GLS2: variants seen among roughly 807,000 people sequenced by gnomAD.
The protein encoded by GLS2 is glutaminase liver isoform, mitochondrial.
In GLS2, 52 loss-of-function variants were observed where a neutral mutation model predicts 79.0. The ratio of observed to expected loss-of-function variants is 0.66; its 90% CI spans 0.53 to 0.83. The LOEUF (loss-of-function observed/expected upper bound fraction) is 0.83. Among genes scored for constraint, GLS2 ranks in the 40% least tolerant of loss-of-function variants. GLS2 has a pLI of 0.00. For missense variants in GLS2, 561 were observed against 764.8 expected (o/e 0.73, Z 3.14); for synonymous variants, 238 against 280.8 (o/e 0.85, Z 1.52).
intron 1 of GLS2, chr12:56,487,552 A>G: frequency 3.5e-6 from 1 of 286,596 alleles, no homozygotes; most frequent in South Asian, 4.8e-5. Flanking sequence ...GACCGGAGGC[A>G]GGAGGCTGTT....
In GLS2 at chr12:56,477,999, C is replaced by T. The variant is rs749261183; in HGVS notation, c.712G>A (p.Val238Met). ...GGCTCTTTGCCCACAAACTTGTGCA[C>T]GTAGTCAGTGCCTAGGGTGCTTATG... ...ISISTLGTDY[V>M]HKFVGKEPSG... is the part of the protein sequence containing the mutation. Residue 238 changes from valine to methionine, a missense_variant, in exon 6 of 18, where the codon GTG becomes ATG. Transcript: ENST00000311966. The T allele has an allele frequency of 2.5e-6, 4 of 1,614,196 alleles. No homozygotes were observed. Among genetic ancestry groups the T allele is most frequent in the Middle Eastern group, 1.6e-4 (1 of 6,062 alleles).
chr12:56,482,180 G>A (rs974305479), intron 1 of GLS2, among the ~76,000 whole-genome samples: 5 of 152,030 alleles, frequency 3.3e-5, no homozygotes, highest in Non-Finnish European at 7.4e-5. Flanking sequence ...ATAGTCAGTC[G>A]AGATTGTGCC....
At chr12:56,479,247 C>A (rs527551042) in intron 3 of GLS2, 66 bp from the exon 4 acceptor site, 10 of 1,576,382 alleles carry the variant, frequency 6.3e-6, no homozygotes, top group Non-Finnish European at 8.6e-6. Flanking sequence ...TCTGGAGCCA[C>A]GGAAATTGGG....
chr12:56,475,918 CA>C, intron 8 of GLS2, 26 bp downstream of exon 8: 1 of 1,613,552 alleles, frequency 6.2e-7, no homozygotes, highest in South Asian at 1.1e-5. Context: ...GAAATGCAGC[CA>C]GGGGCTAAGT....
rs183953092 is a variant in GLS2 at position 56,472,520 on chromosome 12, T to C, written c.1511+170A>G. On this transcript the variant is annotated intron_variant, in intron 15 of 17. Coordinates refer to ENST00000311966, the MANE Select transcript of GLS2 (RefSeq NM_013267.4). ...ACATTAATTATCATAGAGCAGACAG[T>C]TTACTTTTTTTAAAAAAAATCTCCT... 796 of 635,294 alleles carry C rather than the reference T, an allele frequency of 1.3e-3. 4 individuals are homozygous for C. The African/African-American group carries it at 0.013, about 10-fold the overall frequency. The allele number at this position is 635,294 out of a possible 1,614,324, so 39.4% of individuals were successfully genotyped here. A position where few individuals can be genotyped will look rare whatever the true frequency, so the allele number is the denominator to read the frequency against.
intron 14 of GLS2, 28 bp downstream of exon 14, chr12:56,473,200 C>T (rs1476846748): frequency 6.2e-7 from 1 of 1,607,400 alleles, no homozygotes; most frequent in South Asian, 1.1e-5. Context: ...TTGAAATATT[C>T]TTACAAGCCA....
intron 1 of GLS2, chr12:56,487,701 T>C: frequency 1.8e-6 from 1 of 563,842 alleles, no homozygotes; most frequent in South Asian, 2.3e-5. Flanking sequence ...GTGCGCACCT[T>C]GGACAGGCGC....
At chr12:56,487,112 T>C (rs1445996132) in intron 1 of GLS2, among the ~76,000 whole-genome samples, 1 of 152,162 alleles carries the variant, frequency 6.6e-6, no homozygotes, top group Non-Finnish European at 1.5e-5. Flanking sequence ...AGGGGCTCTT[T>C]GGACAGTGTC....
In GLS2 at chr12:56,475,933, A is replaced by G; in HGVS notation, c.870+12T>C. ...GAAATGCAGCCAGGGGCTAAGTAGC[A>G]AGGGAACTTACAAAATCAAACTTCT... On this transcript the variant is annotated intron_variant, in intron 8 of 17. Transcript: ENST00000311966. The G allele has an allele frequency of 1.2e-5, 20 of 1,613,888 alleles. No individual in the cohort carries two copies. Among genetic ancestry groups the G allele is most frequent in the Non-Finnish European group, 1.7e-5 (20 of 1,179,942 alleles).
chr12:56,476,117 T>C (rs1279875019), intron 7 of GLS2, 140 bp from the exon 8 acceptor site: 3 of 742,364 alleles, frequency 4.0e-6, no homozygotes, highest in Non-Finnish European at 6.8e-6. Context: ...GCCCTTTTTT[T>C]ATCCTTCTGA....
chr12:56,482,303 G>A (rs1330435794), intron 1 of GLS2, among the ~76,000 whole-genome samples: 1 of 152,174 alleles, frequency 6.6e-6, no homozygotes, highest in Non-Finnish European at 1.5e-5. Context: ...CCACACTCCA[G>A]ATATAACAGG....
intron 12 of GLS2, 40 bp downstream of exon 12, chr12:56,474,504 C>G (rs374489692): frequency 8.7e-6 from 14 of 1,610,220 alleles, no homozygotes; most frequent in Non-Finnish European, 1.1e-5. Context: ...CTTCTTAGCA[C>G]TGGGCTCATG....
chr12:56,486,938 TCGAGTAGTGGTGAGGTAGTGTTGTGTC>T (rs1870738911), intron 1 of GLS2, among the ~76,000 whole-genome samples: 2 of 62,048 alleles, frequency 3.2e-5, no homozygotes, highest in African/African-American at 1.9e-4. Flanking sequence ...CGACAGAGAC[TCGAGTAGTGGTGAGGTAGTGTTGTGTC>T]AGAGACTCGA....
In GLS2 at chr12:56,471,565, G is replaced by A; in HGVS notation, c.1731C>T (p.Asp577=). The A allele has an allele frequency of 1.2e-6, 2 of 1,614,170 alleles. No individual in the cohort carries two copies. The highest frequency in any genetic ancestry group is 1.7e-6 in the Non-Finnish European group (2 of 1,180,020). The part of the protein sequence containing the change: ...EVVKLLQDYQ[D]SYTLSETQAE... The stretch of plus-strand genomic sequence containing the variant: ...CCTGAGTTTCAGAGAGTGTGTAGGA[G>A]TCCTGGTAATCTTGAAGCAGTTTGA... Residue 577 remains aspartate (D), a synonymous_variant, in exon 18 of 18, where the codon GAC becomes GAT. Transcript: ENST00000311966.
Position 56,477,735 on chromosome 12 carries a change from C to T in GLS2, c.779-17G>A. 6.2e-7 allele frequency: 1 copy of T among 1,607,798 alleles called. No individual in the cohort carries two copies. Among genetic ancestry groups the T allele is most frequent in the East Asian group, 2.2e-5 (1 of 44,784 alleles). ...GGGGGATTCCTGGGGAAATACAAAC[C>T]ACCAAGAGTCTTAGCCACTGAACAA... On this transcript the variant is annotated splice_polypyrimidine_tract_variant and intron_variant, in intron 6 of 17. Transcript: ENST00000311966.
At chr12:56,475,577 C>A (rs974048014) in intron 9 of GLS2, 47 bp downstream of exon 9, 1 of 1,583,518 alleles carries the variant, frequency 6.3e-7, no homozygotes, top group African/African-American at 1.3e-5. Context: ...TAAGTACACA[C>A]ACATACACCA....
intron 1 of GLS2, among the ~76,000 whole-genome samples, chr12:56,484,566 T>C (rs547342187): frequency 2.0e-5 from 3 of 151,892 alleles, no homozygotes; most frequent in Non-Finnish European, 4.4e-5. Flanking sequence ...CTAATGCCTA[T>C]AGGGGGGAGA....
intron 3 of GLS2, 183 bp from the exon 4 acceptor site, chr12:56,479,364 G>A: frequency 1.6e-6 from 1 of 640,768 alleles, no homozygotes; most frequent in East Asian, 3.0e-5. Flanking sequence ...TAAAATGAGG[G>A]GTTTTAATGA....
chr12:56,477,333 C>A, intron 7 of GLS2: 1 of 218,924 alleles, frequency 4.6e-6, no homozygotes. Flanking sequence ...TAGTGCTGTC[C>A]TCCCCTTGTC....
Sources: allele counts gnomAD v4.1 joint callset (sites outside exome capture counted in the v4.1 genomes callset), GRCh38; gene constraint gnomAD v4.1.1; transcripts MANE v1.5; gene names NCBI Gene and HGNC (gene_info 2026-07-23, HGNC 2026-07-21).